STK10: variants seen among roughly 807,000 people sequenced by gnomAD.
STK10 encodes serine/threonine-protein kinase 10.
In STK10, 78 loss-of-function variants were observed where a neutral mutation model predicts 113.8. That is an observed-to-expected ratio of 0.69 (90% CI 0.57 to 0.83). The LOEUF (loss-of-function observed/expected upper bound fraction) is 0.83, where lower values mean the gene tolerates loss of function less well. STK10 is among the 40% of genes least tolerant of loss of function. The pLI, the probability that STK10 is intolerant of heterozygous loss-of-function variation, is 0.00. For synonymous variants in STK10, 465 were observed against 494.7 expected (o/e 0.94, Z 0.80); for missense variants, 1,109 against 1,280.1 (o/e 0.87, Z 2.04).
intron 14 of STK10, among the ~76,000 whole-genome samples, chr5:172,057,698 T>C (rs1767839112): frequency 6.6e-6 from 1 of 152,142 alleles, no homozygotes; most frequent in Non-Finnish European, 1.5e-5. Context: ...AGGAGCATGG[T>C]ATAGCAGGAA....
At position 172,093,533 on chromosome 5, in the gene STK10, G is replaced by A. The variant is rs1190317310; in HGVS notation, c.1433C>T (p.Pro478Leu). The part of the protein sequence containing the change: ...GSLEPPAQAA[P>L]GPSKRDSDCS... ...GTCCGAGTCCCTCTTGGAAGGCCCT[G>A]GAGCTGCCTGGGCAGGTGGCTCCAG... Residue 478 changes from proline to leucine, a missense_variant, in exon 9 of 19, where the codon CCA becomes CTA. By Grantham distance (98) the Pro-to-Leu change is moderately conservative. Transcript: ENST00000176763. This position sits in a 1 kb window ranked among gnomAD's most constrained non-coding sequence, Gnocchi z 4.1. 1 of 1,614,218 alleles carries A rather than the reference G, an allele frequency of 6.2e-7. No individual in the cohort carries two copies. The highest frequency in any genetic ancestry group is 2.2e-5 in the East Asian group (1 of 44,890).
chr5:172,072,854 G>C (rs1768226842), intron 12 of STK10, among the ~76,000 whole-genome samples: 1 of 152,216 alleles, frequency 6.6e-6, no homozygotes, highest in South Asian at 2.1e-4. Flanking sequence ...TGATGTCTAT[G>C]TAGAAAATCT....
intron 1 of STK10, among the ~76,000 whole-genome samples, chr5:172,158,425 C>T (rs536567543): frequency 3.9e-5 from 6 of 151,996 alleles, no homozygotes; most frequent in Admixed American, 2.6e-4. Flanking sequence ...GTCAGGAGTT[C>T]GAGACCAGCC....
intron 1 of STK10, among the ~76,000 whole-genome samples, chr5:172,166,631 T>A (rs1338296611): frequency 1.3e-5 from 2 of 152,092 alleles, no homozygotes; most frequent in African/African-American, 2.4e-5. Flanking sequence ...AAAAGAATCT[T>A]CCTCCAAAAA....
At chr5:172,067,437 A>G (rs1768094166) in intron 12 of STK10, among the ~76,000 whole-genome samples, 1 of 151,794 alleles carries the variant, frequency 6.6e-6, no homozygotes, top group Admixed American at 6.6e-5. Context: ...GAAACAATAA[A>G]AAATTACTCT....
chr5:172,180,562 A>AGG (rs1561837317), intron 1 of STK10, among the ~76,000 whole-genome samples: 6 of 150,762 alleles, frequency 4.0e-5, no homozygotes, highest in African/African-American at 7.3e-5. Context: ...AGGCCGAGGC[A>AGG]GGCGGATCAC....
chr5:172,082,622 G>A lies in STK10; in HGVS notation c.1810-117C>T. The A allele has an allele frequency of 7.6e-7, 1 of 1,308,776 alleles. No homozygotes were observed. The highest frequency in any genetic ancestry group is 1.0e-6 in the Non-Finnish European group (1 of 971,926). The allele number at this position is 1,308,776 out of a possible 1,614,324, so 81.1% of individuals were successfully genotyped here. ...TGATCAGACCTAAGCTTGAATCCCA[G>A]CTCTACTACCCCGTTGCTGTGTGAC... On this transcript the variant is annotated intron_variant, in intron 11 of 18. Transcript: ENST00000176763. This position sits in a 1 kb window ranked among gnomAD's most constrained non-coding sequence, Gnocchi z 4.3.
chr5:172,168,394 G>C (rs1269693471), intron 1 of STK10, among the ~76,000 whole-genome samples: 1 of 152,288 alleles, frequency 6.6e-6, no homozygotes, highest in East Asian at 1.9e-4. Flanking sequence ...AAGCCAAAGG[G>C]GGTGACCTGA....
At chr5:172,100,777 A>G (rs1768973042) in intron 7 of STK10, among the ~76,000 whole-genome samples, 1 of 152,058 alleles carries the variant, frequency 6.6e-6, no homozygotes, top group Non-Finnish European at 1.5e-5. Flanking sequence ...ACACGACGAG[A>G]CTCCATTTCA....
At chr5:172,062,102 T>G (rs1481141058) in intron 13 of STK10, among the ~76,000 whole-genome samples, 3 of 151,858 alleles carry the variant, frequency 2.0e-5, no homozygotes, top group Non-Finnish European at 4.4e-5. Context: ...CTCAGCTTCC[T>G]GAGTAGCTGG....
intron 1 of STK10, among the ~76,000 whole-genome samples, chr5:172,168,503 G>A (rs1770608968): frequency 6.6e-6 from 1 of 152,176 alleles, no homozygotes; most frequent in African/African-American, 2.4e-5. Flanking sequence ...CAGAGGACAG[G>A]AGCCTTATGC....
chr5:172,149,559 C>G (rs965010631), intron 2 of STK10, among the ~76,000 whole-genome samples: 18 of 150,888 alleles, frequency 1.2e-4, no homozygotes, highest in Admixed American at 1.1e-3. Flanking sequence ...CAACCGGGTG[C>G]CCCAATCCAG....
chr5:172,117,368 G>A lies in STK10; in HGVS notation c.520+113C>T, dbSNP rs189930336. On this transcript the variant is annotated intron_variant, in intron 4 of 18. Transcript: ENST00000176763. Reference sequence around the variant, plus strand: ...GCTGACATGCCAAGAGGGCGTAGGCGTGAGGACCCCACACCCCCATGAGGT... The same window carrying A: ...GCTGACATGCCAAGAGGGCGTAGGCATGAGGACCCCACACCCCCATGAGGT... The A allele has an allele frequency of 4.6e-4, 594 of 1,281,872 alleles. 2 individuals are homozygous for A. In the African/African-American group the frequency reaches 7.7e-3, roughly 17 times the overall value. 79.4% of individuals were successfully genotyped at this position (1,281,872 alleles called of 1,614,324 possible).
Position 172,076,228 on chromosome 5 carries a change from A to G in STK10, c.1989+6098T>C, listed in dbSNP as rs1381362032. Among the ~76,000 whole-genome samples the G allele has an allele frequency of 5.1e-3, 133 of 26,062 alleles. 10 individuals are homozygous for G. The highest frequency in any genetic ancestry group is 0.025 in the African/African-American group (103 of 4,044). The allele number at this position is 26,062 out of a possible 152,430, so 17.1% of individuals were successfully genotyped here. ...CATTTGTTGTGGGGGCGTCCTGTGC[A>G]TTTGTTGTGGGGGCGTCCTGTGCGT... On this transcript the variant is annotated intron_variant, in intron 12 of 18. Coordinates refer to ENST00000176763, the MANE Select transcript of STK10 (RefSeq NM_005990.4).
chr5:172,085,044 A>G (rs1440500717), intron 10 of STK10, among the ~76,000 whole-genome samples: 1 of 152,190 alleles, frequency 6.6e-6, no homozygotes, highest in Non-Finnish European at 1.5e-5. Context: ...CAGGAGTTCA[A>G]GACCAGCCTG....
At chr5:172,074,873 G>A (rs1768273949) in intron 12 of STK10, among the ~76,000 whole-genome samples, 1 of 152,134 alleles carries the variant, frequency 6.6e-6, no homozygotes, top group African/African-American at 2.4e-5. Flanking sequence ...ACAAAAATGA[G>A]CTAAGTGTGG....
chr5:172,079,918 G>A (rs1768394050), intron 12 of STK10, among the ~76,000 whole-genome samples: 2 of 151,928 alleles, frequency 1.3e-5, no homozygotes, highest in African/African-American at 4.8e-5. Context: ...GAAATGTGCA[G>A]GTATACCTCA....
At chr5:172,095,497 G>T (rs532908642) in intron 8 of STK10, among the ~76,000 whole-genome samples, 1 of 152,164 alleles carries the variant, frequency 6.6e-6, no homozygotes, top group Non-Finnish European at 1.5e-5. Flanking sequence ...TCACTGTATC[G>T]ATCTCAGTTT....
chr5:172,118,502 TAAAG>T (rs1193569404), intron 3 of STK10, among the ~76,000 whole-genome samples: 2 of 152,010 alleles, frequency 1.3e-5, no homozygotes, highest in African/African-American at 2.4e-5. Flanking sequence ...GGCTATGTCT[TAAAG>T]GAAGAGAATA....
Sources: gnomAD v4.1 joint callset for allele counts (sites outside exome capture counted in the v4.1 genomes callset) on GRCh38, gnomAD v4.1.1 for gene constraint, Gnocchi (gnomAD v3.1) non-coding constraint, MANE v1.5 for transcripts, NCBI Gene and HGNC (gene_info 2026-07-23, HGNC 2026-07-21) for gene names.